FAM117A: variants seen among roughly 807,000 people sequenced by gnomAD.
The protein encoded by FAM117A is protein FAM117A.
In FAM117A, 21 loss-of-function variants were observed where a neutral mutation model predicts 44.1. The observed-to-expected ratio is 0.48, with a 90% confidence interval of 0.34 to 0.69. FAM117A has a LOEUF of 0.69. FAM117A is among the 30% of genes least tolerant of loss of function. The pLI is 0.01. For synonymous variants in FAM117A, 220 were observed against 238.3 expected (o/e 0.92, Z 0.71); for missense variants, 498 against 589.9 (o/e 0.84, Z 1.61).
At position 49,763,907 on chromosome 17, in the gene FAM117A, C is replaced by T. The variant is rs1055650697; in HGVS notation, c.181G>A (p.Gly61Arg). The T allele has an allele frequency of 1.6e-6, 2 of 1,236,492 alleles. No homozygotes were observed. Among genetic ancestry groups the T allele is most frequent in the South Asian group, 3.9e-5 (1 of 25,916 alleles). The allele number at this position is 1,236,492 out of a possible 1,614,324, so 76.6% of individuals were successfully genotyped here. The change falls in exon 1 of 8, where the codon GGG becomes AGG. Residue 61 changes from glycine to arginine, a missense_variant. Transcript: ENST00000240364. The part of the protein sequence containing the change: ...QLQQPHQRRD[G>R]GGRAASVPCS... ...CCCGGCTCACCTGCACGGCCACCCC[C>T]GTCCCGGCGCTGGTGCGGCTGCTGC...
chr17:49,730,229 C>T (rs1204373429), intron 2 of FAM117A, among the ~76,000 whole-genome samples: 1 of 152,202 alleles, frequency 6.6e-6, no homozygotes, highest in Non-Finnish European at 1.5e-5. Flanking sequence ...AAGAGTTCCT[C>T]GAGGGCTGGA....
intron 1 of FAM117A, among the ~76,000 whole-genome samples, chr17:49,737,303 C>G (rs560556884): frequency 1.3e-5 from 2 of 152,158 alleles, no homozygotes; most frequent in African/African-American, 2.4e-5. Context: ...AGCTTCTGAC[C>G]CACATCAGCA....
Position 49,772,567 on chromosome 17 carries a change from C to T in FAM117A, c.-621+15930G>A, listed in dbSNP as rs35211866. Among the ~76,000 whole-genome samples, 1,318 of 151,380 alleles carry T rather than the reference C, an allele frequency of 8.7e-3. 12 individuals are homozygous for T. Among genetic ancestry groups the T allele is most frequent in the Non-Finnish European group, 0.012 (828 of 67,770 alleles). Reference sequence around the variant, plus strand: ...AAGATCGAGACCATCCTGGCTAACACGGTGAAACCCCATCTCTACTAAAAA... The same window carrying T: ...AAGATCGAGACCATCCTGGCTAACATGGTGAAACCCCATCTCTACTAAAAA... On this transcript the variant is annotated intron_variant, in intron 1 of 7. Coordinates refer to the FAM117A transcript ENST00000513602.
chr17:49,752,354 G>A (rs1382655613), intron 1 of FAM117A, among the ~76,000 whole-genome samples: 1 of 152,036 alleles, frequency 6.6e-6, no homozygotes, highest in African/African-American at 2.4e-5. Flanking sequence ...CAGATCCTGC[G>A]CCCCCCAGGC....
intron 1 of FAM117A, among the ~76,000 whole-genome samples, chr17:49,737,396 T>C (rs2073615146): frequency 6.6e-6 from 1 of 152,108 alleles, no homozygotes; most frequent in Non-Finnish European, 1.5e-5. Flanking sequence ...CTCTGGAAAG[T>C]GGATTTACAA....
At chr17:49,721,228 A>G (rs918138057) in intron 3 of FAM117A, among the ~76,000 whole-genome samples, 1 of 152,230 alleles carries the variant, frequency 6.6e-6, no homozygotes, top group Admixed American at 6.5e-5. Flanking sequence ...ACAGATTATC[A>G]TCAACAGTTT....
intron 1 of FAM117A, among the ~76,000 whole-genome samples, chr17:49,784,137 T>C (rs954081060): frequency 6.6e-6 from 1 of 152,240 alleles, no homozygotes; most frequent in Non-Finnish European, 1.5e-5. Flanking sequence ...ATATGGTACC[T>C]ATAATTTTAC....
chr17:49,733,053 G>A, intron 1 of FAM117A: 1 of 257,160 alleles, frequency 3.9e-6, no homozygotes, highest in South Asian at 7.1e-5. Context: ...CCTGAGAGCA[G>A]CACTGTTTCC....
intron 7 of FAM117A, 39 bp downstream of exon 7, chr17:49,716,125 CA>C: frequency 6.6e-7 from 1 of 1,506,114 alleles, no homozygotes; most frequent in Non-Finnish European, 9.2e-7. Flanking sequence ...AATGTAGGCC[CA>C]CCCTCCCCTC....
At chr17:49,743,528 G>C (rs907116013) in intron 1 of FAM117A, among the ~76,000 whole-genome samples, 1 of 152,158 alleles carries the variant, frequency 6.6e-6, no homozygotes, top group Admixed American at 6.5e-5. Context: ...AGGAGATGAA[G>C]ACCATCCTGG....
At chr17:49,729,765 A>C (rs1468132338) in intron 2 of FAM117A, among the ~76,000 whole-genome samples, 1 of 151,926 alleles carries the variant, frequency 6.6e-6, no homozygotes, top group East Asian at 1.9e-4. Context: ...CGGCCTCCCA[A>C]AGTGCTGGGA....
At chr17:49,787,700 A>G (rs2073823079) in intron 1 of FAM117A, among the ~76,000 whole-genome samples, 1 of 152,148 alleles carries the variant, frequency 6.6e-6, no homozygotes, top group African/African-American at 2.4e-5. Context: ...TAAATCCTCA[A>G]CGCCTGCTCT....
At chr17:49,779,346 G>T (rs2073783221) in intron 1 of FAM117A, among the ~76,000 whole-genome samples, 1 of 152,234 alleles carries the variant, frequency 6.6e-6, no homozygotes, top group Admixed American at 6.5e-5. Context: ...GGTCTAAGCT[G>T]CTAGGAACTT....
chr17:49,721,930 A>G (rs1166222552), intron 3 of FAM117A, among the ~76,000 whole-genome samples: 1 of 151,940 alleles, frequency 6.6e-6, no homozygotes, highest in Non-Finnish European at 1.5e-5. Flanking sequence ...CTCTACTAAA[A>G]AAAAAAAAAA....
chr17:49,746,007 GGTAT>G (rs2073653145), intron 1 of FAM117A, among the ~76,000 whole-genome samples: 1 of 152,120 alleles, frequency 6.6e-6, no homozygotes, highest in Non-Finnish European at 1.5e-5. Flanking sequence ...GTATAATGAT[GGTAT>G]TATGATTATG....
chr17:49,769,756 G>A (rs978317856), intron 1 of FAM117A, among the ~76,000 whole-genome samples: 1 of 151,868 alleles, frequency 6.6e-6, no homozygotes, highest in Non-Finnish European at 1.5e-5. Context: ...TAGAATATTG[G>A]ACTTAATGGT....
chr17:49,713,941 G>A (rs72839104), intron 7 of FAM117A, among the ~76,000 whole-genome samples: 1,954 of 152,304 alleles, frequency 0.013, 26 homozygotes, highest in South Asian at 0.067. Context: ...TGTTTGGGAA[G>A]GCCTGGCGTC....
chr17:49,722,197 T>C (rs2073538032), intron 3 of FAM117A, among the ~76,000 whole-genome samples: 1 of 152,190 alleles, frequency 6.6e-6, no homozygotes, highest in African/African-American at 2.4e-5. Context: ...TCCTCCAGTC[T>C]CTGAGCTGCT....
At chr17:49,766,716 G>A (rs1047546693), upstream of FAM117A, among the ~76,000 whole-genome samples, 2 of 152,238 alleles carry the variant, frequency 1.3e-5, no homozygotes, top group African/African-American at 4.8e-5. Context: ...GTGTTTAGAA[G>A]TAAAGCCCTA....
Sources: allele counts gnomAD v4.1 joint callset (sites outside exome capture counted in the v4.1 genomes callset), GRCh38; gene constraint gnomAD v4.1.1; transcripts MANE v1.5; gene names NCBI Gene and HGNC (gene_info 2026-07-23, HGNC 2026-07-21).